The following NBEAL1 variants were observed in gnomAD, a reference collection of about 807,000 sequenced individuals.
The protein encoded by NBEAL1 is neurobeachin-like protein 1.
In NBEAL1, 273 loss-of-function variants were observed where a neutral mutation model predicts 351.3. That is an observed-to-expected ratio of 0.78 (90% CI 0.70 to 0.86). NBEAL1 has a LOEUF of 0.86. Among genes scored for constraint, NBEAL1 ranks in the 40% least tolerant of loss-of-function variants. The pLI, the probability that NBEAL1 is intolerant of heterozygous loss-of-function variation, is 0.00. For missense variants in NBEAL1, 2,961 were observed against 3,201.3 expected (o/e 0.92, Z 1.81); for synonymous variants, 1,050 against 1,086.4 (o/e 0.97, Z 0.66).
chr2:203,052,791 G>A (rs1167111936), intron 4 of NBEAL1, among the ~76,000 whole-genome samples: 1 of 151,238 alleles, frequency 6.6e-6, no homozygotes, highest in Non-Finnish European at 1.5e-5. Context: ...TCGCCATGTT[G>A]CTCAAGCTGG....
chr2:203,172,927 A>AC, intron 41 of NBEAL1, 74 bp downstream of exon 41: 5 of 1,402,126 alleles, frequency 3.6e-6, no homozygotes, highest in Non-Finnish European at 4.7e-6. Context: ...ACTATGGCCA[A>AC]CCAAAAAAAT....
At chr2:203,087,343 G>A (rs2061985045) in intron 10 of NBEAL1, among the ~76,000 whole-genome samples, 2 of 150,432 alleles carry the variant, frequency 1.3e-5, no homozygotes, top group Non-Finnish European at 3.0e-5. Flanking sequence ...CACCTGCCTC[G>A]GCCTCCCAAA....
intron 2 of NBEAL1, 83 bp from the exon 3 acceptor site, chr2:203,041,682 T>G: frequency 1.2e-6 from 1 of 820,342 alleles, no homozygotes; most frequent in Non-Finnish European, 2.0e-6. Flanking sequence ...TATTGATTCT[T>G]TAGGTATCTG....
chr2:203,018,235 T>G (rs1446563265), intron 2 of NBEAL1, among the ~76,000 whole-genome samples: 3 of 150,374 alleles, frequency 2.0e-5, no homozygotes, highest in Admixed American at 6.7e-5. Context: ...TCAAACCAGC[T>G]GACTTTTTTT....
intron 49 of NBEAL1, among the ~76,000 whole-genome samples, chr2:203,199,669 T>G (rs71425986): frequency 2.0e-5 from 3 of 151,726 alleles, no homozygotes; most frequent in Non-Finnish European, 4.4e-5. Flanking sequence ...TTAGTAGAAA[T>G]TGAGTTTCAC....
intron 12 of NBEAL1, among the ~76,000 whole-genome samples, chr2:203,101,778 TAG>T (rs1171344444): frequency 2.0e-5 from 3 of 152,178 alleles, no homozygotes; most frequent in Non-Finnish European, 4.4e-5. Flanking sequence ...GTATTTTCAG[TAG>T]AGACAGGGTT....
rs1386131997 is a variant in NBEAL1 at position 203,222,362 on chromosome 2, GATT to G, written c.*5014_*5016del. 6.6e-6 allele frequency among the ~76,000 whole-genome samples: 1 copy of G among 151,924 alleles called. No individual in the cohort carries two copies. Among genetic ancestry groups the G allele is most frequent in the African/African-American group, 2.4e-5 (1 of 41,332 alleles). On this transcript the variant is annotated 3_prime_UTR_variant, in exon 56 of 56. Transcript: ENST00000683969. ...TTGGTATTAAAAAATTATGTCTGAG[GATT>G]ATTATGTTATATCCTAAAAATTTTT...
At chr2:203,018,305 A>G (rs1383035004) in intron 2 of NBEAL1, among the ~76,000 whole-genome samples, 1 of 149,906 alleles carries the variant, frequency 6.7e-6, no homozygotes, top group Non-Finnish European at 1.5e-5. Context: ...GAGCTTTCAG[A>G]CCACTTGAGG....
intron 27 of NBEAL1, 72 bp from the exon 28 acceptor site, chr2:203,135,605 C>A: frequency 2.2e-6 from 2 of 891,426 alleles, no homozygotes; most frequent in Non-Finnish European, 3.3e-6. Flanking sequence ...ATTAAAATAA[C>A]TGAAAATATT....
At chr2:203,137,837 A>G (rs1461064005) in intron 29 of NBEAL1, among the ~76,000 whole-genome samples, 2 of 151,668 alleles carry the variant, frequency 1.3e-5, no homozygotes, top group Non-Finnish European at 2.9e-5. Flanking sequence ...TACAAAAATT[A>G]GCCGGGCATG....
intron 8 of NBEAL1, 69 bp downstream of exon 8, chr2:203,077,906 A>G (rs995509361): frequency 1.3e-6 from 1 of 783,862 alleles, no homozygotes; most frequent in Non-Finnish European, 1.9e-6. Flanking sequence ...CCATAGATTT[A>G]GTATGTTCTT....
chr2:203,220,595 A>C lies in NBEAL1; in HGVS notation c.*3241A>C, dbSNP rs778130679. Among the ~76,000 whole-genome samples the C allele has an allele frequency of 3.3e-5, 5 of 152,244 alleles. No individual in the cohort carries two copies. The highest frequency in any genetic ancestry group is 5.9e-5 in the Non-Finnish European group (4 of 68,046). ...GCATCCTGGTGATAGGAAGAGATTT[A>C]TACCAAGATAATTATTTTACTTTTG... On this transcript the variant is annotated 3_prime_UTR_variant, in exon 56 of 56. Transcript: ENST00000683969.
At chr2:203,061,944 T>C in intron 6 of NBEAL1, 1 of 277,272 alleles carries the variant, frequency 3.6e-6, no homozygotes, top group South Asian at 3.3e-5. Context: ...TTCAAACACC[T>C]GTGAGAGAAT....
intron 6 of NBEAL1, among the ~76,000 whole-genome samples, chr2:203,058,577 T>A (rs1012518899): frequency 6.6e-6 from 1 of 152,116 alleles, no homozygotes; most frequent in Non-Finnish European, 1.5e-5. Context: ...TCTTGAGCAG[T>A]CAAGAGGCTC....
intron 10 of NBEAL1, among the ~76,000 whole-genome samples, chr2:203,087,609 A>T (rs182393713): frequency 1.2e-3 from 178 of 152,174 alleles, no homozygotes; most frequent in African/African-American, 4.2e-3. Context: ...TAAACCCTTC[A>T]TGTTTTCTTA....
chr2:203,046,862 G>T (rs779849526), intron 3 of NBEAL1, among the ~76,000 whole-genome samples: 2 of 152,114 alleles, frequency 1.3e-5, no homozygotes, highest in Non-Finnish European at 2.9e-5. Context: ...CACATTGAAA[G>T]CTCTACCATT....
intron 44 of NBEAL1, among the ~76,000 whole-genome samples, chr2:203,186,659 AG>A (rs1294370918): frequency 6.6e-6 from 1 of 152,198 alleles, no homozygotes; most frequent in East Asian, 1.9e-4. Flanking sequence ...CTTTGTTTAC[AG>A]GAGTATCTTT....
chr2:203,110,362 C>A, intron 15 of NBEAL1, 80 bp downstream of exon 15: 3 of 1,444,054 alleles, frequency 2.1e-6, no homozygotes, highest in South Asian at 1.4e-5. Context: ...CAACAGCAGT[C>A]ATTTTTTTGC....
chr2:203,023,700 A>G (rs2060805310), intron 2 of NBEAL1, among the ~76,000 whole-genome samples: 1 of 151,894 alleles, frequency 6.6e-6, no homozygotes, highest in African/African-American at 2.4e-5. Flanking sequence ...GTTTTCAGGT[A>G]AGCATGCTGA....
Sources: allele counts gnomAD v4.1 joint callset (sites outside exome capture counted in the v4.1 genomes callset), GRCh38; gene constraint gnomAD v4.1.1; transcripts MANE v1.5; gene names NCBI Gene and HGNC (gene_info 2026-07-23, HGNC 2026-07-21).